The following OPCML variants were observed in gnomAD, a reference collection of about 807,000 sequenced individuals.
OPCML encodes opioid-binding protein/cell adhesion molecule.
In OPCML, 13 loss-of-function variants were observed where a neutral mutation model predicts 37.8. The ratio of observed to expected loss-of-function variants is 0.34; its 90% CI spans 0.22 to 0.55. The LOEUF (loss-of-function observed/expected upper bound fraction) is 0.55. OPCML is among the 20% of genes least tolerant of loss of function. OPCML has a pLI of 0.91. For missense variants in OPCML, 341 were observed against 435.6 expected (o/e 0.78, Z 1.93); for synonymous variants, 176 against 168.8 (o/e 1.04, Z -0.33).
At chr11:132,570,730 C>T (rs991534418) in intron 3 of OPCML, among the ~76,000 whole-genome samples, 6 of 116,906 alleles carry the variant, frequency 5.1e-5, no homozygotes, top group African/African-American at 1.9e-4. Context: ...ACTGAAAGAA[C>T]TCAGGGGAAT....
chr11:133,264,084 T>C (rs1592150614), intron 1 of OPCML, among the ~76,000 whole-genome samples: 2 of 152,252 alleles, frequency 1.3e-5, no homozygotes, highest in African/African-American at 2.4e-5. Context: ...AAAATAAATA[T>C]ATTGATATTG....
chr11:132,423,173 C>T lies in OPCML; in HGVS notation c.917-2880G>A, dbSNP rs57889945. On this transcript the variant is annotated intron_variant, in intron 7 of 7. Transcript: ENST00000524381. ...CTCCCCTGAGACAGCAAGAGGGCAC[C>T]GAACACTCTAGTCCCTAAAGTTTCC... 2.6e-3 allele frequency among the ~76,000 whole-genome samples: 390 copies of T among 152,248 alleles called. 1 individual carries two copies. Among genetic ancestry groups the T allele is most frequent in the African/African-American group, 8.9e-3 (369 of 41,544 alleles).
At chr11:133,375,693 C>A (rs911702470) in intron 1 of OPCML, among the ~76,000 whole-genome samples, 1 of 152,032 alleles carries the variant, frequency 6.6e-6, no homozygotes, top group African/African-American at 2.4e-5. Flanking sequence ...GCTGCTATGG[C>A]CTTAGCTTCA....
intron 2 of OPCML, among the ~76,000 whole-genome samples, chr11:132,864,999 A>G (rs1170965179): frequency 6.6e-6 from 1 of 152,272 alleles, no homozygotes; most frequent in African/African-American, 2.4e-5. Flanking sequence ...AGAGGGCGAT[A>G]GAGCCGGCAC....
intron 2 of OPCML, among the ~76,000 whole-genome samples, chr11:132,781,626 T>C (rs1328801745): frequency 1.3e-5 from 2 of 150,606 alleles, no homozygotes; most frequent in Non-Finnish European, 3.0e-5. Context: ...ACACCCTATT[T>C]TTTTTTTTTG....
intron 3 of OPCML, among the ~76,000 whole-genome samples, chr11:132,593,149 G>A (rs1315230244): frequency 6.6e-6 from 1 of 152,176 alleles, no homozygotes; most frequent in East Asian, 1.9e-4. Flanking sequence ...ACATGGCACT[G>A]GGCAGGAGCC....
chr11:132,767,459 C>A (rs1946485208), intron 2 of OPCML, among the ~76,000 whole-genome samples: 1 of 152,218 alleles, frequency 6.6e-6, no homozygotes, highest in Admixed American at 6.5e-5. Flanking sequence ...ACCAAAAGTT[C>A]TTCACTAATT....
intron 4 of OPCML, among the ~76,000 whole-genome samples, chr11:132,514,907 T>G (rs2096276492): frequency 1.3e-5 from 2 of 152,148 alleles, no homozygotes; most frequent in African/African-American, 4.8e-5. Flanking sequence ...GGCAACGTCC[T>G]GAGTGCCCAA....
chr11:132,689,388 G>A (rs986278256), intron 2 of OPCML, among the ~76,000 whole-genome samples: 5 of 152,130 alleles, frequency 3.3e-5, no homozygotes, highest in African/African-American at 7.2e-5. Context: ...TAATGGTTTT[G>A]TTCTGAGGAA....
chr11:133,152,791 T>C (rs1420551807), intron 1 of OPCML, among the ~76,000 whole-genome samples: 1 of 152,214 alleles, frequency 6.6e-6, no homozygotes, highest in African/African-American at 2.4e-5. Context: ...TTAGATTCTT[T>C]ACAGCCATCT....
At position 133,080,730 on chromosome 11, in the gene OPCML, T is replaced by C. The variant is rs554088785; in HGVS notation, c.62-137720A>G. ...CTTGAAGCTGGAGAGAGAATCAGTA[T>C]AAAAGCTCTTGTCGCTATGAAGGAG... On this transcript the variant is annotated intron_variant, in intron 1 of 7. Coordinates refer to ENST00000524381, the MANE Select transcript of OPCML (RefSeq NM_001012393.5). Among the ~76,000 whole-genome samples, 3 of 152,314 alleles carry C rather than the reference T, an allele frequency of 2.0e-5. No individual in the cohort carries two copies. The East Asian group carries it at 5.8e-4, about 29-fold the overall frequency.
chr11:132,611,925 G>A, intron 3 of OPCML, among the ~76,000 whole-genome samples: 1 of 152,118 alleles, frequency 6.6e-6, no homozygotes, highest in Admixed American at 6.6e-5. Flanking sequence ...TCAAGGCCAA[G>A]ACTCATTTAC....
intron 2 of OPCML, among the ~76,000 whole-genome samples, chr11:132,842,131 A>G (rs1214295675): frequency 2.0e-5 from 3 of 152,150 alleles, no homozygotes; most frequent in Admixed American, 6.6e-5. Context: ...TATTCCCTCA[A>G]TCAAGGTCCT....
At chr11:133,070,473 C>T (rs969765623) in intron 1 of OPCML, among the ~76,000 whole-genome samples, 11 of 152,160 alleles carry the variant, frequency 7.2e-5, no homozygotes, top group Non-Finnish European at 1.0e-4. Context: ...ATGCTGACTT[C>T]CACCCAGGGA....
At position 133,276,848 on chromosome 11, in the gene OPCML, C is replaced by T. The variant is rs1405340725; in HGVS notation, c.61+255416G>A. ...CAACGACTTTGCCCCAATTATTTTA[C>T]TCTTACTTAAGATCTTTGAAAGACT... is the stretch of plus-strand genomic sequence containing the variant. On this transcript the variant is annotated intron_variant, in intron 1 of 7. Transcript: ENST00000524381. 4.6e-5 allele frequency among the ~76,000 whole-genome samples: 7 copies of T among 152,112 alleles called. No individual in the cohort carries two copies. In the East Asian group the frequency reaches 1.3e-3, roughly 29 times the overall value.
At chr11:132,770,522 C>T (rs1270001502) in intron 2 of OPCML, among the ~76,000 whole-genome samples, 1 of 152,148 alleles carries the variant, frequency 6.6e-6, no homozygotes, top group Non-Finnish European at 1.5e-5. Flanking sequence ...TCCTTGGAAG[C>T]ACACAGAAAT....
intron 4 of OPCML, among the ~76,000 whole-genome samples, chr11:132,503,957 A>G (rs1424284230): frequency 2.0e-5 from 3 of 152,184 alleles, no homozygotes; most frequent in South Asian, 2.1e-4. Context: ...TAAAGATATA[A>G]TGGTATCTTT....
chr11:133,439,182 C>A (rs960910616), intron 1 of OPCML: 26 of 608,012 alleles, frequency 4.3e-5, no homozygotes, highest in Middle Eastern at 8.5e-4. Context: ...CGAAGTGGGG[C>A]AGTCTTGTGG....
intron 3 of OPCML, among the ~76,000 whole-genome samples, chr11:132,575,484 T>G (rs1240552381): frequency 6.6e-6 from 1 of 152,090 alleles, no homozygotes; most frequent in Non-Finnish European, 1.5e-5. Flanking sequence ...TAATTTAAGC[T>G]GATAACAACT....
Sources: gnomAD v4.1 joint callset for allele counts (sites outside exome capture counted in the v4.1 genomes callset) on GRCh38, gnomAD v4.1.1 for gene constraint, MANE v1.5 for transcripts, NCBI Gene and HGNC (gene_info 2026-07-23, HGNC 2026-07-21) for gene names.